The following PACRG variants were observed in gnomAD, a reference collection of about 807,000 sequenced individuals.
The protein encoded by PACRG is parkin coregulated gene protein.
Under a neutral mutation model 29.7 loss-of-function variants are expected in PACRG, and 29 were observed. The ratio of observed to expected loss-of-function variants is 0.98; its 90% confidence interval spans 0.73 to 1.33. The LOEUF (loss-of-function observed/expected upper bound fraction) is 1.33. PACRG is among the 40% of genes most tolerant of loss of function. PACRG has a pLI of 0.00. For synonymous variants in PACRG, 116 were observed against 118.7 expected (o/e 0.98, Z 0.15); for missense variants, 279 against 316.2 (o/e 0.88, Z 0.89).
intron 2 of PACRG, among the ~76,000 whole-genome samples, chr6:163,025,365 A>G (rs1303625784): frequency 6.6e-6 from 1 of 152,214 alleles, no homozygotes; most frequent in Non-Finnish European, 1.5e-5. Flanking sequence ...GGCCCCTAGA[A>G]TTGATAAACA....
intron 3 of PACRG, among the ~76,000 whole-genome samples, chr6:163,072,932 A>G (rs1812208444): frequency 6.6e-6 from 1 of 152,156 alleles, no homozygotes; most frequent in Non-Finnish European, 1.5e-5. Flanking sequence ...AACTTAAAAC[A>G]TTGATGCAAG....
At position 163,254,041 on chromosome 6, in the gene PACRG, G is replaced by A. The variant is rs561206715; in HGVS notation, c.614-60786G>A. ...CGGGTGTAGAGCACAGGGCAGAAGC[G>A]GAGGGCCAGCCACTTCTCCTGCTAC... On this transcript the variant is annotated intron_variant, in intron 4 of 4. Transcript: ENST00000366888. 7.5e-4 allele frequency among the ~76,000 whole-genome samples: 114 copies of A among 152,198 alleles called. 3 individuals are homozygous for A. In the South Asian group the frequency reaches 0.019, roughly 26 times the overall value.
intron 4 of PACRG, among the ~76,000 whole-genome samples, chr6:163,185,925 A>T (rs1180088192): frequency 6.6e-6 from 1 of 151,668 alleles, no homozygotes; most frequent in Non-Finnish European, 1.5e-5. Flanking sequence ...CCCCACCCCC[A>T]TCTACTCTAA....
intron 2 of PACRG, among the ~76,000 whole-genome samples, chr6:163,050,180 C>T (rs528376897): frequency 2.0e-5 from 3 of 152,228 alleles, no homozygotes; most frequent in Non-Finnish European, 4.4e-5. Flanking sequence ...GATATTTACC[C>T]AGCCTTCAAG....
chr6:163,021,258 C>T (rs114903901), intron 2 of PACRG, among the ~76,000 whole-genome samples: 1,620 of 152,278 alleles, frequency 0.011, 19 homozygotes, highest in African/African-American at 0.037. Context: ...CTCTGCCTGC[C>T]CCTCCTAGAG....
intron 2 of PACRG, among the ~76,000 whole-genome samples, chr6:162,829,518 T>C (rs1238237279): frequency 6.6e-6 from 1 of 152,234 alleles, no homozygotes; most frequent in East Asian, 1.9e-4. Flanking sequence ...ACTGGTGATA[T>C]AGGCCTTTGT....
At chr6:163,147,582 G>T (rs1435860392) in intron 4 of PACRG, among the ~76,000 whole-genome samples, 3 of 152,044 alleles carry the variant, frequency 2.0e-5, no homozygotes, top group African/African-American at 7.2e-5. Context: ...CACCAATCTT[G>T]CCTTCATGTT....
chr6:162,740,239 A>C (rs1013204712), intron 1 of PACRG, among the ~76,000 whole-genome samples: 7 of 152,162 alleles, frequency 4.6e-5, no homozygotes, highest in African/African-American at 1.7e-4. Context: ...ATAAGCGGTC[A>C]AGTTTCATGA....
At chr6:162,792,463 TG>T (rs1205054758) in intron 1 of PACRG, among the ~76,000 whole-genome samples, 1 of 152,132 alleles carries the variant, frequency 6.6e-6, no homozygotes, top group Non-Finnish European at 1.5e-5. Context: ...TTGGAGTGGC[TG>T]CAATTATTTG....
chr6:163,111,815 C>G (rs893427810), intron 4 of PACRG, among the ~76,000 whole-genome samples: 4 of 152,206 alleles, frequency 2.6e-5, no homozygotes, highest in African/African-American at 9.6e-5. Context: ...GAGGGACGTG[C>G]TTGCAAGCTT....
Position 163,059,507 on chromosome 6 carries a change from A to G in PACRG, c.292-2643A>G, listed in dbSNP as rs914220771. ...ATTATATTAGAATCAGACAAACTGCATCAATAATGATAAAGAGGATAAGGA... is the reference window on the plus strand; with the variant it reads ...ATTATATTAGAATCAGACAAACTGCGTCAATAATGATAAAGAGGATAAGGA... On this transcript the variant is annotated intron_variant, in intron 2 of 4. Transcript: ENST00000366888. 2.6e-5 allele frequency among the ~76,000 whole-genome samples: 4 copies of G among 152,242 alleles called. No individual in the cohort carries two copies. In the South Asian group the frequency reaches 8.3e-4, roughly 31 times the overall value.
intron 4 of PACRG, among the ~76,000 whole-genome samples, chr6:163,091,659 T>C (rs1814120013): frequency 6.6e-6 from 1 of 152,210 alleles, no homozygotes; most frequent in African/African-American, 2.4e-5. Context: ...ATTACAAAAT[T>C]GGAGCATTCT....
chr6:163,095,403 C>G, intron 4 of PACRG: 1 of 985,396 alleles, frequency 1.0e-6, no homozygotes, highest in South Asian at 4.7e-5. Context: ...AGGGCGATGT[C>G]TAAAGAAATC....
rs368208379 is a variant in PACRG at position 162,736,747 on chromosome 6, G to A, written c.156+8356G>A. Among the ~76,000 whole-genome samples the A allele has an allele frequency of 1.1e-4, 16 of 151,488 alleles. No homozygotes were observed. In the East Asian group the frequency reaches 1.9e-3, roughly 18 times the overall value. ...TGCATATATATTTTATATATTTTGA[G>A]AGCATATAGAGTGTATATACCTACC... On this transcript the variant is annotated intron_variant, in intron 1 of 4. Coordinates refer to ENST00000366888, the MANE Select transcript of PACRG (RefSeq NM_001080379.2).
chr6:163,210,416 G>A (rs1039836478), intron 4 of PACRG, among the ~76,000 whole-genome samples: 1 of 152,116 alleles, frequency 6.6e-6, no homozygotes. Context: ...TCACTGGAGG[G>A]CCTTCATTAA....
At chr6:162,848,710 G>C (rs1358685837) in intron 2 of PACRG, among the ~76,000 whole-genome samples, 1 of 152,222 alleles carries the variant, frequency 6.6e-6, no homozygotes, top group East Asian at 1.9e-4. Flanking sequence ...TGTTGCCTTA[G>C]TATAATTTAA....
rs182724250 is a variant in PACRG at position 162,875,698 on chromosome 6, T to C, written c.291+61417T>C. Among the ~76,000 whole-genome samples, 199 of 152,366 alleles carry C rather than the reference T, an allele frequency of 1.3e-3. 1 individual carries two copies. The highest frequency in any genetic ancestry group is 1.8e-3 in the Non-Finnish European group (125 of 68,026). ...GCTGGTTTTCCCCCAAAAATTCTGC[T>C]GCAATAATTGTGTCCTTGACTTGGG... is the stretch of plus-strand genomic sequence containing the variant. On this transcript the variant is annotated intron_variant, in intron 2 of 4. Transcript: ENST00000366888.
At position 163,062,333 on chromosome 6, in the gene PACRG, G is replaced by C; in HGVS notation, c.463+12G>C. On this transcript the variant is annotated intron_variant, in intron 3 of 4. Coordinates refer to ENST00000366888, the MANE Select transcript of PACRG (RefSeq NM_001080379.2). ...TATCCCGATAAAAAGTAAGTGAACC[G>C]GTGAAAAAGCATCACTCAGTTTATA... The C allele has an allele frequency of 3.7e-6, 6 of 1,603,358 alleles. No individual in the cohort carries two copies. Among genetic ancestry groups the C allele is most frequent in the Non-Finnish European group, 5.1e-6 (6 of 1,175,734 alleles).
At chr6:163,255,052 A>G (rs962994583) in intron 4 of PACRG, among the ~76,000 whole-genome samples, 4 of 152,366 alleles carry the variant, frequency 2.6e-5, no homozygotes, top group African/African-American at 4.8e-5. Flanking sequence ...CTGAGAGGTT[A>G]GCAAGTTAAC....
Sources: gnomAD v4.1 joint callset for allele counts (sites outside exome capture counted in the v4.1 genomes callset) on GRCh38, gnomAD v4.1.1 for gene constraint, MANE v1.5 for transcripts, NCBI Gene and HGNC (gene_info 2026-07-23, HGNC 2026-07-21) for gene names.